The following THAP8 variants were observed in gnomAD, a reference collection of about 807,000 sequenced individuals.
The protein encoded by THAP8 is THAP domain-containing protein 8.
Under a neutral mutation model 25.0 loss-of-function variants are expected in THAP8, and 24 were observed. The ratio of observed to expected loss-of-function variants is 0.96; its 90% confidence interval spans 0.69 to 1.35. The LOEUF is 1.35. THAP8 is among the 40% of genes most tolerant of loss of function. THAP8 has a pLI of 0.00. For missense variants in THAP8, 399 were observed against 368.8 expected, an observed-to-expected ratio of 1.08 and a Z score of -0.67; for synonymous variants, 169 against 157.6, an observed-to-expected ratio of 1.07 and a Z score of -0.54.
At chr19:36,038,276 GT>G (rs889326563) in intron 3 of THAP8, among the ~76,000 whole-genome samples, 5 of 150,950 alleles carry the variant, frequency 3.3e-5, no homozygotes, top group African/African-American at 1.2e-4. Context: ...GTGGTTTTTG[GT>G]TTTTTTTGAG....
At chr19:36,043,041 G>A (rs772241330) in intron 1 of THAP8, among the ~76,000 whole-genome samples, 29 of 152,202 alleles carry the variant, frequency 1.9e-4, no homozygotes, top group Non-Finnish European at 3.8e-4. Flanking sequence ...CGACTCTCCC[G>A]CCTCAGCTTC....
Position 36,042,096 on chromosome 19 carries a change from G to A in THAP8, c.84-1960C>T, listed in dbSNP as rs114454653. Among the ~76,000 whole-genome samples, 680 of 148,782 alleles carry A rather than the reference G, an allele frequency of 4.6e-3. 7 individuals carry two copies. The highest frequency in any genetic ancestry group is 0.016 in the African/African-American group (660 of 40,678). On this transcript the variant is annotated intron_variant, in intron 1 of 3. Transcript: ENST00000292894. Reference sequence around the variant, plus strand: ...GAGGAGGGGAAGGGGAAGGGGGAGGGAGTAAGAGGGGGAGGAAGAGGAAGA... The same window carrying A: ...GAGGAGGGGAAGGGGAAGGGGGAGGAAGTAAGAGGGGGAGGAAGAGGAAGA...
intron 1 of THAP8, chr19:36,045,587 A>C: frequency 2.6e-6 from 1 of 380,310 alleles, no homozygotes; most frequent in Non-Finnish European, 5.2e-6. Flanking sequence ...ACCTTATATG[A>C]CAAAAGATGT....
At chr19:36,042,740 C>A (rs1568552355) in intron 1 of THAP8, among the ~76,000 whole-genome samples, 1 of 152,168 alleles carries the variant, frequency 6.6e-6, no homozygotes, top group South Asian at 2.1e-4. Flanking sequence ...CATATACATA[C>A]AATGGAATTT....
intron 1 of THAP8, among the ~76,000 whole-genome samples, chr19:36,044,185 T>C (rs1969798336): frequency 6.6e-6 from 1 of 152,192 alleles, no homozygotes; most frequent in Non-Finnish European, 1.5e-5. Context: ...ACTGAGACTG[T>C]AAATGTTTAT....
In THAP8 at chr19:36,035,262, G is replaced by T; in HGVS notation, c.*178C>A. On this transcript the variant is annotated 3_prime_UTR_variant, in exon 4 of 4. Transcript: ENST00000292894. ...GATTGGGGGCTGATGAGAGACTTGG[G>T]CCCAGGTCACCCCTAAGGTTCAAGA... 1.3e-6 allele frequency: 1 copy of T among 746,084 alleles called. No homozygotes were observed. The highest frequency in any genetic ancestry group is 2.0e-6 in the Non-Finnish European group (1 of 491,584). 46.2% of individuals were successfully genotyped at this position (746,084 alleles called of 1,614,324 possible).
upstream of THAP8, chr19:36,054,569 T>A: frequency 3.7e-6 from 2 of 547,052 alleles, no homozygotes; most frequent in South Asian, 4.2e-5. Flanking sequence ...CTCTTACGGC[T>A]CCACCCTACG....
chr19:36,050,940 C>T (rs545172778), intron 1 of THAP8, among the ~76,000 whole-genome samples: 1 of 152,074 alleles, frequency 6.6e-6, no homozygotes, highest in South Asian at 2.1e-4. Context: ...ATGTGCCAGG[C>T]AATATTCTAG....
chr19:36,045,118 C>T (rs1045201387), intron 1 of THAP8, among the ~76,000 whole-genome samples: 4 of 151,998 alleles, frequency 2.6e-5, no homozygotes, highest in Non-Finnish European at 5.9e-5. Context: ...GATGGAGTCT[C>T]GCTCTGTCAC....
intron 1 of THAP8, among the ~76,000 whole-genome samples, chr19:36,052,679 G>A (rs1420752568): frequency 6.6e-6 from 1 of 152,206 alleles, no homozygotes; most frequent in Non-Finnish European, 1.5e-5. Context: ...AGTTTACATA[G>A]ATGTAGAATA....
chr19:36,053,366 CAAAAAAAAAAAAAAAAAAAA>C (rs58744657), intron 1 of THAP8, among the ~76,000 whole-genome samples: 1 of 77,080 alleles, frequency 1.3e-5, no homozygotes, highest in Non-Finnish European at 2.2e-5. Flanking sequence ...CCAAGCCTGG[CAAAAAAAAAAAAAAAAAAAA>C]AAAAAAAAAA....
chr19:36,037,569 G>A (rs1042975883), intron 3 of THAP8, among the ~76,000 whole-genome samples: 1 of 152,130 alleles, frequency 6.6e-6, no homozygotes, highest in African/African-American at 2.4e-5. Flanking sequence ...CACACTACTG[G>A]ACTGCTCTGT....
chr19:36,036,271 A>AAT (rs1272063246), intron 3 of THAP8, among the ~76,000 whole-genome samples: 2 of 79,714 alleles, frequency 2.5e-5, no homozygotes, highest in South Asian at 7.6e-4. Flanking sequence ...GAAAGACCAG[A>AAT]CTTTTTTTTT....
chr19:36,048,434 T>C (rs530146162), intron 1 of THAP8, among the ~76,000 whole-genome samples: 131 of 152,014 alleles, frequency 8.6e-4, no homozygotes, highest in African/African-American at 3.0e-3. Flanking sequence ...GGCGCGATCT[T>C]GGCTGACTGC....
Position 36,040,029 on chromosome 19 carries a change from G to C in THAP8, c.191C>G (p.Pro64Arg). The change falls in exon 2 of 4, where the codon CCC (proline) becomes CGC (arginine). Residue 64 changes from proline (P) to arginine (R), a missense_variant. By Grantham distance (103) the Pro-to-Arg change is moderately radical (BLOSUM62 -2). Transcript: ENST00000292894. The stretch of plus-strand genomic sequence containing the variant: ...ACCCCAGCGCCACTGGAAGCAGGAG[G>C]GTGTGAAGTGCTCGCTGCACAAGTG... ...HQHLCSEHFTPSCFQWRWGVR... is the reference protein window; with the variant it reads ...HQHLCSEHFTRSCFQWRWGVR... The C allele has an allele frequency of 6.2e-7, 1 of 1,613,836 alleles. No individual in the cohort carries two copies. The highest frequency in any genetic ancestry group is 8.5e-7 in the Non-Finnish European group (1 of 1,179,950).
upstream of THAP8, chr19:36,054,655 C>G (rs1174899887): frequency 1.1e-5 from 6 of 561,440 alleles, no homozygotes; most frequent in Non-Finnish European, 1.9e-5. Context: ...GCGGCCGTGG[C>G]CTTAGCCTCG....
intron 1 of THAP8, among the ~76,000 whole-genome samples, chr19:36,041,557 T>C (rs1969694193): frequency 1.3e-5 from 2 of 152,186 alleles, no homozygotes; most frequent in African/African-American, 4.8e-5. Context: ...TTTTTGTGTA[T>C]GCTTGAAAAC....
intron 3 of THAP8, among the ~76,000 whole-genome samples, chr19:36,035,890 G>A (rs1568548031): frequency 6.6e-6 from 1 of 151,906 alleles, no homozygotes; most frequent in Admixed American, 6.6e-5. Flanking sequence ...AGAGATATGG[G>A]GGAGACAGAA....
Position 36,050,122 on chromosome 19 carries a change from A to C in THAP8, c.83+4013T>G, listed in dbSNP as rs555365554. Among the ~76,000 whole-genome samples the C allele has an allele frequency of 6.0e-5, 9 of 150,670 alleles. No individual in the cohort carries two copies. In the South Asian group the frequency reaches 1.9e-3, roughly 32 times the overall value. On this transcript the variant is annotated intron_variant, in intron 1 of 3. Transcript: ENST00000292894. ...GATGACAGTGGATGTGATGAGAAGT[A>C]GTCTGGGAATGTGTTTTCCTTATTT...
Sources: allele counts gnomAD v4.1 joint callset (sites outside exome capture counted in the v4.1 genomes callset), GRCh38; gene constraint gnomAD v4.1.1; transcripts MANE v1.5; gene names NCBI Gene and HGNC (gene_info 2026-07-23, HGNC 2026-07-21).